The following PALM2AKAP2 variants were observed in gnomAD, a reference collection of about 807,000 sequenced individuals.
PALM2AKAP2 encodes PALM2-AKAP2 fusion protein.
A neutral mutation model predicts 71.5 loss-of-function variants in PALM2AKAP2; 37 were observed. The ratio of observed to expected loss-of-function variants is 0.52; its 90% confidence interval spans 0.40 to 0.68. The LOEUF is 0.68. Among genes scored for constraint, PALM2AKAP2 ranks in the 30% least tolerant of loss-of-function variants. The pLI is 0.00. For synonymous variants in PALM2AKAP2, 468 were observed against 478.8 expected (o/e 0.98, Z 0.29); for missense variants, 1,224 against 1,191.8 (o/e 1.03, Z -0.40).
chr9:109,859,160 C>T (rs1048651925), intron 1 of PALM2AKAP2, among the ~76,000 whole-genome samples: 2 of 152,104 alleles, frequency 1.3e-5, no homozygotes, highest in Non-Finnish European at 2.9e-5. Flanking sequence ...TATTGAGGCT[C>T]GAACTAATCA....
intron 6 of PALM2AKAP2, chr9:109,946,669 AAG>A (rs1831513822): frequency 6.7e-6 from 1 of 148,282 alleles, no homozygotes; most frequent in Non-Finnish European, 1.5e-5. Context: ...CTGGGCAACA[AAG>A]AGCGAAACTC....
intron 2 of PALM2AKAP2, among the ~76,000 whole-genome samples, chr9:110,152,147 G>C (rs1365571528): frequency 4.6e-5 from 7 of 152,164 alleles, no homozygotes; most frequent in Non-Finnish European, 7.3e-5. Context: ...TGAGGCAGGA[G>C]AATCGCTTGA....
chr9:109,972,810 A>G (rs1459722254), intron 6 of PALM2AKAP2, among the ~76,000 whole-genome samples: 1 of 152,182 alleles, frequency 6.6e-6, no homozygotes, highest in Non-Finnish European at 1.5e-5. Flanking sequence ...GTCTCCCTAT[A>G]TCTCCTGCAC....
At chr9:109,788,277 A>T (rs571362065) in intron 1 of PALM2AKAP2, among the ~76,000 whole-genome samples, 3 of 152,314 alleles carry the variant, frequency 2.0e-5, no homozygotes, top group African/African-American at 7.2e-5. Context: ...AGCCTAACTC[A>T]TGTCAGTCAG....
At chr9:109,847,065 C>T (rs1564177518) in intron 1 of PALM2AKAP2, among the ~76,000 whole-genome samples, 2 of 152,118 alleles carry the variant, frequency 1.3e-5, no homozygotes, top group Admixed American at 6.6e-5. Context: ...CCAACAATGG[C>T]GCCCTAAAAG....
chr9:109,935,885 G>T (rs1213200866), intron 6 of PALM2AKAP2, among the ~76,000 whole-genome samples: 1 of 152,120 alleles, frequency 6.6e-6, no homozygotes, highest in African/African-American at 2.4e-5. Flanking sequence ...TTCCCTTTCT[G>T]CCACTTTCTT....
intron 3 of PALM2AKAP2, among the ~76,000 whole-genome samples, chr9:109,898,080 T>C (rs1030182116): frequency 1.3e-5 from 2 of 152,250 alleles, no homozygotes; most frequent in African/African-American, 4.8e-5. Context: ...ATGAAATCTA[T>C]TTGTGGATTT....
chr9:109,739,982 T>C (rs1310084580), intron 1 of PALM2AKAP2, among the ~76,000 whole-genome samples: 1 of 152,222 alleles, frequency 6.6e-6, no homozygotes, highest in Non-Finnish European at 1.5e-5. Context: ...ATAGAGTTCT[T>C]TGAAGTAGGT....
chr9:109,919,725 G>T (rs1456479977), intron 3 of PALM2AKAP2, among the ~76,000 whole-genome samples: 1 of 146,974 alleles, frequency 6.8e-6, no homozygotes, highest in East Asian at 2.0e-4. Context: ...ATATATATGT[G>T]TGTATACATA....
Position 109,980,103 on chromosome 9 carries a change from T to G in PALM2AKAP2, c.497-35851T>G, listed in dbSNP as rs146231379. ...AGCTCCCTAAACCCTCACTGTGCCC[T>G]GTGCCCATAGTAGGCCACTCCACCA... On this transcript the variant is annotated intron_variant, in intron 6 of 9. Coordinates refer to the PALM2AKAP2 transcript ENST00000302798. 7.6e-4 allele frequency among the ~76,000 whole-genome samples: 115 copies of G among 152,316 alleles called. 2 individuals are homozygous for G. Among genetic ancestry groups the G allele is most frequent in the African/African-American group, 2.7e-3 (112 of 41,580 alleles).
At chr9:110,003,443 C>T (rs1588053409) in intron 6 of PALM2AKAP2, among the ~76,000 whole-genome samples, 1 of 152,280 alleles carries the variant, frequency 6.6e-6, no homozygotes, top group African/African-American at 2.4e-5. Flanking sequence ...GAGGGCTTCA[C>T]TTCCAACTAT....
At chr9:110,099,655 C>G (rs983019779) in intron 1 of PALM2AKAP2, among the ~76,000 whole-genome samples, 23 of 152,130 alleles carry the variant, frequency 1.5e-4, no homozygotes, top group African/African-American at 5.6e-4. Context: ...GTAGCAAAGT[C>G]TATTATGAAA....
At chr9:109,788,668 C>T (rs1438485302) in intron 1 of PALM2AKAP2, among the ~76,000 whole-genome samples, 3 of 152,268 alleles carry the variant, frequency 2.0e-5, no homozygotes, top group East Asian at 1.9e-4. Flanking sequence ...ATCACATGCC[C>T]ATTGTGATAT....
At chr9:109,955,669 A>G (rs1265443280) in intron 6 of PALM2AKAP2, among the ~76,000 whole-genome samples, 1 of 152,160 alleles carries the variant, frequency 6.6e-6, no homozygotes, top group Admixed American at 6.5e-5. Context: ...AAGAGCAATA[A>G]TCCTCACAGA....
At chr9:109,788,329 T>C (rs1288484304) in intron 1 of PALM2AKAP2, among the ~76,000 whole-genome samples, 2 of 152,226 alleles carry the variant, frequency 1.3e-5, no homozygotes, top group African/African-American at 4.8e-5. Flanking sequence ...CCTCAAGTAA[T>C]GGACATTGTA....
At chr9:110,046,141 A>C (rs1314988951), upstream of PALM2AKAP2, among the ~76,000 whole-genome samples, 1 of 152,234 alleles carries the variant, frequency 6.6e-6, no homozygotes, top group Non-Finnish European at 1.5e-5. Flanking sequence ...ATGTTAATTA[A>C]AAACAGTGTT....
chr9:109,961,261 A>G (rs536339318), intron 6 of PALM2AKAP2, among the ~76,000 whole-genome samples: 13 of 152,394 alleles, frequency 8.5e-5, no homozygotes, highest in African/African-American at 3.1e-4. Flanking sequence ...AGTTGCAGGA[A>G]TCAGTTTATA....
chr9:109,838,812 G>T (rs10980079), intron 1 of PALM2AKAP2, among the ~76,000 whole-genome samples: 2 of 151,838 alleles, frequency 1.3e-5, no homozygotes, highest in Admixed American at 1.3e-4. Flanking sequence ...ATACACCCTT[G>T]CAAGACACAT....
chr9:110,073,823 T>A (rs76209338), intron 1 of PALM2AKAP2, among the ~76,000 whole-genome samples: 1,807 of 152,268 alleles, frequency 0.012, 40 homozygotes, highest in African/African-American at 0.041. Context: ...ATGCTGTTAG[T>A]TTTTTTCTGG....
Sources: allele counts gnomAD v4.1 joint callset (sites outside exome capture counted in the v4.1 genomes callset), GRCh38; gene constraint gnomAD v4.1.1; transcripts MANE v1.5; gene names NCBI Gene and HGNC (gene_info 2026-07-23, HGNC 2026-07-21).